The following IBTK variants were observed in gnomAD, a reference collection of about 807,000 sequenced individuals.
IBTK encodes BTK-binding protein.
A neutral mutation model predicts 154.9 loss-of-function variants in IBTK; 83 were observed. The ratio of observed to expected loss-of-function variants is 0.54; its 90% CI spans 0.45 to 0.64. The LOEUF is 0.64. Ranked by LOEUF, IBTK falls within the 30% of genes least tolerant of loss-of-function variation. IBTK has a pLI of 0.00. For synonymous variants in IBTK, 515 were observed against 536.1 expected, an observed-to-expected ratio of 0.96 and a Z score of 0.54; for missense variants, 1,332 against 1,584.6, an observed-to-expected ratio of 0.84 and a Z score of 2.71.
intron 4 of IBTK, among the ~76,000 whole-genome samples, chr6:82,231,228 G>A (rs755636141): frequency 6.6e-6 from 1 of 151,850 alleles, no homozygotes; most frequent in African/African-American, 2.4e-5. Context: ...AAATAGCTTG[G>A]AACCTAAAAA....
At position 82,172,281 on chromosome 6, in the gene IBTK, A is replaced by G. The variant is rs186564823; in HGVS notation, c.3930+99T>C. The G allele has an allele frequency of 1.7e-4, 195 of 1,176,854 alleles. 1 individual carries two copies. Among genetic ancestry groups the G allele is most frequent in the African/African-American group, 1.5e-3 (93 of 61,180 alleles). The allele number at this position is 1,176,854 out of a possible 1,614,324, so 72.9% of individuals were successfully genotyped here. ...GCATTTACATTTTAATTTCATAGAT[A>G]CAAGCACCTGTCCAAAACAAACAAA... On this transcript the variant is annotated intron_variant, in intron 28 of 28. Coordinates refer to ENST00000306270, the MANE Select transcript of IBTK (RefSeq NM_015525.4).
At chr6:82,196,472 A>G (rs769029721) in intron 21 of IBTK, 26 bp from the exon 22 acceptor site, 5 of 1,524,710 alleles carry the variant, frequency 3.3e-6, no homozygotes, top group Non-Finnish European at 4.5e-6. Context: ...AAAAAAAATT[A>G]AACACATATG....
chr6:82,243,308 G>A (rs976834718), intron 1 of IBTK, among the ~76,000 whole-genome samples: 5 of 151,926 alleles, frequency 3.3e-5, no homozygotes, highest in African/African-American at 9.7e-5. Flanking sequence ...ACTTTAAAAG[G>A]TTAAAAATGG....
intron 21 of IBTK, among the ~76,000 whole-genome samples, chr6:82,199,858 C>A (rs1769135197): frequency 6.6e-6 from 1 of 152,124 alleles, no homozygotes; most frequent in African/African-American, 2.4e-5. Flanking sequence ...GAACACATTG[C>A]CCCCTTTGCT....
chr6:82,243,670 T>C (rs1039957239), intron 1 of IBTK, among the ~76,000 whole-genome samples: 1 of 152,240 alleles, frequency 6.6e-6, no homozygotes, highest in Non-Finnish European at 1.5e-5. Context: ...TTAGAATGTG[T>C]CCTTGGATAA....
At chr6:82,175,969 C>T (rs868189184) in intron 26 of IBTK, among the ~76,000 whole-genome samples, 11 of 151,000 alleles carry the variant, frequency 7.3e-5, no homozygotes, top group Middle Eastern at 3.2e-3. Context: ...GCAGAGGTTG[C>T]GGTGAGCTGA....
intron 16 of IBTK, among the ~76,000 whole-genome samples, chr6:82,207,426 CTT>C (rs1163606465): frequency 1.3e-5 from 2 of 152,034 alleles, no homozygotes; most frequent in Non-Finnish European, 2.9e-5. Flanking sequence ...AAATTAAAGA[CTT>C]AAATATATAG....
chr6:82,175,651 A>G (rs1768082663), intron 26 of IBTK, among the ~76,000 whole-genome samples: 1 of 152,252 alleles, frequency 6.6e-6, no homozygotes, highest in African/African-American at 2.4e-5. Context: ...ATAGAAGTAG[A>G]TATCGCAAGA....
intron 16 of IBTK, among the ~76,000 whole-genome samples, chr6:82,206,439 C>G (rs529853142): frequency 1.8e-4 from 27 of 152,130 alleles, no homozygotes; most frequent in Non-Finnish European, 3.4e-4. Context: ...CAAAAAACTT[C>G]CTACAAAGAA....
chr6:82,201,893 T>A (rs781166706), intron 18 of IBTK, among the ~76,000 whole-genome samples: 23 of 152,030 alleles, frequency 1.5e-4, no homozygotes, highest in Non-Finnish European at 2.8e-4. Context: ...GCTCGGCTAA[T>A]TTTTGTATTT....
At chr6:82,182,092 A>G (rs1768344710) in intron 25 of IBTK, 64 bp from the exon 26 acceptor site, 1 of 1,494,924 alleles carries the variant, frequency 6.7e-7, no homozygotes, top group South Asian at 1.3e-5. Flanking sequence ...GCTGGAAGTT[A>G]TAAGAGAACA....
chr6:82,187,607 C>T (rs1419390627), intron 25 of IBTK, among the ~76,000 whole-genome samples: 1 of 139,894 alleles, frequency 7.1e-6, no homozygotes, highest in East Asian at 1.9e-4. Context: ...ACTGATGTCG[C>T]CGAGTGGACA....
rs197244 is a variant in IBTK, at chr6:82,173,440, T to C, written c.3726-2A>G. The C allele has an allele frequency of 1.2e-5, 19 of 1,612,268 alleles. No individual in the cohort carries two copies. Among genetic ancestry groups the C allele is most frequent in the Non-Finnish European group, 1.6e-5 (19 of 1,178,710 alleles). On this transcript the variant is annotated splice_acceptor_variant, in intron 26 of 28. Transcript: ENST00000306270. LOFTEE classifies it high-confidence loss of function. ...CCTGGGGTACCATGGGTAGAGCATC[T>C]GCAAAACAAATGCCAAAATTAAAGA...
At position 82,240,384 on chromosome 6, in the gene IBTK, C is replaced by T. The variant is rs1393661020; in HGVS notation, c.103G>A (p.Ala35Thr). 1 of 1,614,064 alleles carries T rather than the reference C, an allele frequency of 6.2e-7. No homozygotes were observed. The highest frequency in any genetic ancestry group is 1.7e-5 in the Admixed American group (1 of 59,996). ...TTGTAACAATGACTGGAGAGAAAGG[C>T]CTTAATCTGGTTTTCGCTCCCCTTT... is the stretch of plus-strand genomic sequence containing the variant. The part of the protein sequence containing the change: ...VTKGSENQIK[A>T]FLSSHCYNAA... The change falls in exon 2 of 29, where the codon GCC becomes ACC. Residue 35 changes from alanine (A) to threonine (T), a missense_variant. By Grantham distance (58) the Ala-to-Thr change is moderately conservative. Coordinates refer to ENST00000306270, the MANE Select transcript of IBTK (RefSeq NM_015525.4).
At chr6:82,224,221 T>C (rs1483725518) in intron 6 of IBTK, 36 bp from the exon 7 acceptor site, 2 of 1,399,150 alleles carry the variant, frequency 1.4e-6, no homozygotes, top group East Asian at 2.3e-5. Flanking sequence ...ATTTACTATA[T>C]ATTTATGACC....
In IBTK at chr6:82,195,541, G is replaced by A. The variant is rs182311736; in HGVS notation, c.3174+757C>T. Among the ~76,000 whole-genome samples, 724 of 151,812 alleles carry A rather than the reference G, an allele frequency of 4.8e-3. 3 individuals are homozygous for A. Among genetic ancestry groups the A allele is most frequent in the South Asian group, 0.016 (78 of 4,804 alleles). On this transcript the variant is annotated intron_variant, in intron 22 of 28. Coordinates refer to ENST00000306270, the MANE Select transcript of IBTK (RefSeq NM_015525.4). ...TGCAGTGAGCTGATACTATACCACT[G>A]CACTCCAGCCTAGGCAACCAGAGTG...
At chr6:82,210,115 C>T (rs1041456212) in intron 16 of IBTK, among the ~76,000 whole-genome samples, 9 of 152,136 alleles carry the variant, frequency 5.9e-5, no homozygotes, top group Non-Finnish European at 1.2e-4. Context: ...TTTTGCCTAA[C>T]AAAGTACATA....
At chr6:82,185,064 T>G (rs1423668302) in intron 25 of IBTK, among the ~76,000 whole-genome samples, 2 of 150,910 alleles carry the variant, frequency 1.3e-5, no homozygotes, top group Non-Finnish European at 2.9e-5. Flanking sequence ...GCATCTGTAA[T>G]CCCAGATACT....
At chr6:82,194,013 T>A (rs1023325393) in intron 23 of IBTK, among the ~76,000 whole-genome samples, 1 of 152,092 alleles carries the variant, frequency 6.6e-6, no homozygotes, top group Non-Finnish European at 1.5e-5. Flanking sequence ...AATGAAAAAA[T>A]ATATATATAA....
Sources: gnomAD v4.1 joint callset for allele counts (sites outside exome capture counted in the v4.1 genomes callset) on GRCh38, gnomAD v4.1.1 for gene constraint, MANE v1.5 for transcripts, NCBI Gene and HGNC (gene_info 2026-07-23, HGNC 2026-07-21) for gene names.